The following GTF2IRD1 variants were observed in gnomAD, a reference collection of about 807,000 sequenced individuals.
GTF2IRD1 encodes general transcription factor II-I repeat domain-containing protein 1.
GTF2IRD1 carries 26 observed loss-of-function variants against 113.2 expected under a neutral mutation model. That is an observed-to-expected ratio of 0.23 (90% CI 0.17 to 0.32). The LOEUF is 0.32. Ranked by LOEUF, GTF2IRD1 falls within the 10% of genes least tolerant of loss-of-function variation. The pLI, the probability that GTF2IRD1 is intolerant of heterozygous loss-of-function variation, is 1.00. For missense variants in GTF2IRD1, 864 were observed against 1,280.8 expected (o/e 0.67, Z 4.97); for synonymous variants, 484 against 529.1 (o/e 0.91, Z 1.17).
intron 22 of GTF2IRD1, among the ~76,000 whole-genome samples, chr7:74,583,983 G>A (rs1387719305): frequency 2.0e-5 from 3 of 152,084 alleles, no homozygotes; most frequent in Non-Finnish European, 4.4e-5. Context: ...AGCTGGGTCA[G>A]GATCCCTGCT....
intron 22 of GTF2IRD1, among the ~76,000 whole-genome samples, chr7:74,580,544 T>C (rs1244236722): frequency 6.6e-6 from 1 of 151,888 alleles, no homozygotes; most frequent in Non-Finnish European, 1.5e-5. Flanking sequence ...GTACATAGCA[T>C]GGCTGTGATT....
intron 22 of GTF2IRD1, among the ~76,000 whole-genome samples, chr7:74,578,968 C>T (rs1801247341): frequency 1.4e-5 from 2 of 147,174 alleles, no homozygotes; most frequent in African/African-American, 5.0e-5. Context: ...GCCTGGGCAA[C>T]AGAGCGAGAT....
intron 10 of GTF2IRD1, 109 bp downstream of exon 10, chr7:74,535,247 A>C (rs1424170741): frequency 2.4e-6 from 2 of 831,208 alleles, no homozygotes; most frequent in Admixed American, 1.7e-5. Context: ...CCCCTCAGGC[A>C]GGGAGGGAGG....
At chr7:74,521,419 A>G in intron 7 of GTF2IRD1, 122 bp downstream of exon 7, 1 of 683,586 alleles carries the variant, frequency 1.5e-6, no homozygotes, top group Non-Finnish European at 2.6e-6. Context: ...AGCTCTGCTC[A>G]AGGGGCTGCA....
At chr7:74,459,263 G>T (rs1554328384) in intron 1 of GTF2IRD1, among the ~76,000 whole-genome samples, 1 of 152,066 alleles carries the variant, frequency 6.6e-6, no homozygotes, top group African/African-American at 2.4e-5. Flanking sequence ...AGTTTGACTA[G>T]CCTGGCCAAC....
chr7:74,489,814 C>G (rs1291753347), intron 1 of GTF2IRD1, among the ~76,000 whole-genome samples: 3 of 152,184 alleles, frequency 2.0e-5, no homozygotes, highest in Admixed American at 6.5e-5. Context: ...ACTGGGAGGG[C>G]CCAGCTGCCC....
At chr7:74,490,290 C>T (rs1161555681) in intron 1 of GTF2IRD1, among the ~76,000 whole-genome samples, 3 of 152,072 alleles carry the variant, frequency 2.0e-5, no homozygotes, top group Admixed American at 2.0e-4. Flanking sequence ...AACCATGACC[C>T]CAGACTGCCT....
intron 17 of GTF2IRD1, among the ~76,000 whole-genome samples, chr7:74,549,522 C>G (rs1799166299): frequency 6.6e-6 from 1 of 152,132 alleles, no homozygotes; most frequent in Non-Finnish European, 1.5e-5. Flanking sequence ...ACACAAAGAG[C>G]AGATAGCAAA....
rs1583974196 is a variant in GTF2IRD1, at chr7:74,590,693, G to C, written c.2399-132G>C. ...GGCGTGAGCCACTGCGCCCCACCAG[G>C]GTCTTGATTTTTAAACTCTCTGGGT... On this transcript the variant is annotated intron_variant, in intron 23 of 26. Coordinates refer to ENST00000424337, the MANE Select transcript of GTF2IRD1 (RefSeq NM_005685.4). 7.3e-5 allele frequency: 39 copies of C among 536,252 alleles called. No homozygotes were observed. In the East Asian group the frequency reaches 1.2e-3, roughly 16 times the overall value. 33.2% of individuals were successfully genotyped at this position (536,252 alleles called of 1,614,324 possible). A position where few individuals can be genotyped will look rare whatever the true frequency, so the allele number is the denominator to read the frequency against.
At chr7:74,478,579 C>A (rs1423842340) in intron 1 of GTF2IRD1, among the ~76,000 whole-genome samples, 2 of 152,002 alleles carry the variant, frequency 1.3e-5, no homozygotes, top group African/African-American at 4.8e-5. Flanking sequence ...CCTCATCCTC[C>A]TGAGTAGCTG....
intron 1 of GTF2IRD1, among the ~76,000 whole-genome samples, chr7:74,461,842 G>A (rs1793391080): frequency 6.6e-6 from 1 of 152,192 alleles, no homozygotes; most frequent in Admixed American, 6.6e-5. Flanking sequence ...ACTTCCCGGA[G>A]TGCTGGGATT....
At position 74,572,644 on chromosome 7, in the gene GTF2IRD1, C is replaced by G. The variant is rs1315082708; in HGVS notation, c.2320+12989C>G. The stretch of plus-strand genomic sequence containing the variant: ...TCGCCAATCACACACAGGCACACAC[C>G]CTCTGGCCCCTGCCTCCCTCTCTCA... On this transcript the variant is annotated intron_variant, in intron 22 of 26. Transcript: ENST00000424337. The G allele has an allele frequency of 8.1e-6, 5 of 620,898 alleles. No individual in the cohort carries two copies. In the Admixed American group the frequency reaches 3.2e-4, roughly 39 times the overall value. 38.5% of individuals were successfully genotyped at this position (620,898 alleles called of 1,614,324 possible).
At chr7:74,523,256 T>C (rs1797395807) in intron 7 of GTF2IRD1, among the ~76,000 whole-genome samples, 1 of 151,512 alleles carries the variant, frequency 6.6e-6, no homozygotes, top group Non-Finnish European at 1.5e-5. Context: ...CCAGGAGTGT[T>C]GGCTCATACC....
At chr7:74,500,808 C>T (rs1193083366) in intron 1 of GTF2IRD1, among the ~76,000 whole-genome samples, 2 of 152,056 alleles carry the variant, frequency 1.3e-5, no homozygotes, top group African/African-American at 4.8e-5. Flanking sequence ...TCTGTAGCCT[C>T]GAACTCCTGG....
intron 21 of GTF2IRD1, 40 bp from the exon 22 acceptor site, chr7:74,559,587 G>T: frequency 6.4e-7 from 1 of 1,563,628 alleles, no homozygotes; most frequent in Non-Finnish European, 8.7e-7. Flanking sequence ...TCATCCCCCA[G>T]GCCCTCCCCA....
rs1207910376 is a variant in GTF2IRD1, at chr7:74,466,986, C to T, written c.-7+12810C>T. 2.0e-5 allele frequency among the ~76,000 whole-genome samples: 3 copies of T among 150,998 alleles called. No individual in the cohort carries two copies. The East Asian group carries it at 5.8e-4, about 29-fold the overall frequency. ...TTTTTTTGGAGACAGGGTCTCGCTC[C>T]ATTGCCCAGGCTGGAGTGCAGTGGC... is the stretch of plus-strand genomic sequence containing the variant. On this transcript the variant is annotated intron_variant, in intron 1 of 26. Transcript: ENST00000424337.
rs1793041640 is a variant in GTF2IRD1, at chr7:74,457,176, G to A, written c.-7+3000G>A. Reference sequence around the variant, plus strand: ...TGGTTAATTTTTTATTGTTTGTAGAGATGGGGTCTTGCTATGTTGCCCAGG... The same window carrying A: ...TGGTTAATTTTTTATTGTTTGTAGAAATGGGGTCTTGCTATGTTGCCCAGG... On this transcript the variant is annotated intron_variant, in intron 1 of 26. Transcript: ENST00000424337. Among the ~76,000 whole-genome samples the A allele has an allele frequency of 1.3e-5, 2 of 151,936 alleles. 1 individual carries two copies. The highest frequency in any genetic ancestry group is 4.2e-4 in the South Asian group (2 of 4,810).
At position 74,555,210 on chromosome 7, in the gene GTF2IRD1, C is replaced by T; in HGVS notation, c.1953C>T (p.Ile651=). ...ELLTEGVKEP[I]MDSQERDSGD... ...TCACTGAGGGAGTCAAAGAGCCCAT[C>T]ATGGATAGTCAAGGTACCCAGCGCG... The change falls in exon 18 of 27, where the codon ATC becomes ATT. Residue 651 remains isoleucine (I), a synonymous_variant. Transcript: ENST00000424337. The surrounding 1 kb of genome is among the most constrained non-coding windows in gnomAD (Gnocchi z 5.3). The T allele has an allele frequency of 6.2e-7, 1 of 1,613,676 alleles. No homozygotes were observed. Among genetic ancestry groups the T allele is most frequent in the Non-Finnish European group, 8.5e-7 (1 of 1,179,904 alleles).
At position 74,496,651 on chromosome 7, in the gene GTF2IRD1, G is replaced by T. The variant is rs374606887; in HGVS notation, c.-6-11424G>T. On this transcript the variant is annotated intron_variant, in intron 1 of 26. Transcript: ENST00000424337. ...GGGTGTGCATGTATGTGTGCGTGTG[G>T]GTGTGTGTGTGAGTGTGCATGCATG... Among the ~76,000 whole-genome samples, 38 of 149,886 alleles carry T rather than the reference G, an allele frequency of 2.5e-4. No individual in the cohort carries two copies. The South Asian group carries it at 2.5e-3, about 10-fold the overall frequency.
Sources: gnomAD v4.1 joint callset for allele counts (sites outside exome capture counted in the v4.1 genomes callset) on GRCh38, gnomAD v4.1.1 for gene constraint, Gnocchi (gnomAD v3.1) non-coding constraint, MANE v1.5 for transcripts, NCBI Gene and HGNC (gene_info 2026-07-23, HGNC 2026-07-21) for gene names.